UNC13C: variants seen among roughly 807,000 people sequenced by gnomAD.
UNC13C encodes protein unc-13 homolog C.
In UNC13C, 174 loss-of-function variants were observed where a neutral mutation model predicts 245.4. The ratio of observed to expected loss-of-function variants is 0.71; its 90% CI spans 0.63 to 0.80. The LOEUF (loss-of-function observed/expected upper bound fraction) is 0.80, where lower values mean the gene tolerates loss of function less well. Among genes scored for constraint, UNC13C ranks in the 30% least tolerant of loss-of-function variants. The probability of loss-of-function intolerance (pLI) is 0.00; values close to 1 mark genes in which losing one functional copy is unlikely to be tolerated. For missense variants in UNC13C, 2,829 were observed against 2,602.9 expected, an observed-to-expected ratio of 1.09 and a Z score of -1.89; for synonymous variants, 992 against 895.1, an observed-to-expected ratio of 1.11 and a Z score of -1.93.
At chr15:54,559,687 T>G (rs1417906408) in intron 29 of UNC13C, among the ~76,000 whole-genome samples, 1 of 151,880 alleles carries the variant, frequency 6.6e-6, no homozygotes, top group African/African-American at 2.4e-5. Flanking sequence ...GGGAAAAGCT[T>G]CCCAGAGAAG....
intron 1 of UNC13C, among the ~76,000 whole-genome samples, chr15:53,984,939 T>TG (rs1240150501): frequency 6.6e-6 from 1 of 152,136 alleles, no homozygotes; most frequent in Non-Finnish European, 1.5e-5. Context: ...CATAGTGTTA[T>TG]GGCAGCAAAT....
At chr15:53,940,219 G>A in the UNC13C span, among the ~76,000 whole-genome samples, 2 of 152,090 alleles carry the variant, frequency 1.3e-5, no homozygotes, top group Non-Finnish European at 2.9e-5. Context: ...TGCGGGGAGT[G>A]TTGGCAATAC....
rs183653247 is a variant in UNC13C at position 54,593,733 on chromosome 15, T to G, written c.6106+25786T>G. On this transcript the variant is annotated intron_variant, in intron 30 of 32. Coordinates refer to ENST00000260323, the MANE Select transcript of UNC13C (RefSeq NM_001080534.3). ...TTTCCTTTAATATTTTTCCCTTCAC[T>G]TCTTATATCATTTTTTGGATTTCCT... is the stretch of plus-strand genomic sequence containing the variant. Among the ~76,000 whole-genome samples the G allele has an allele frequency of 1.2e-3, 181 of 152,308 alleles. 1 individual carries two copies. The highest frequency in any genetic ancestry group is 1.9e-3 in the Non-Finnish European group (131 of 68,026).
intron 1 of UNC13C, among the ~76,000 whole-genome samples, chr15:54,005,408 C>T (rs943562813): frequency 2.6e-5 from 4 of 152,056 alleles, no homozygotes; most frequent in African/African-American, 9.7e-5. Context: ...GCATCACTTC[C>T]AAGCTATGTG....
rs563028593 is a variant in UNC13C at position 54,343,780 on chromosome 15, G to T, written c.4713+5291G>T. Among the ~76,000 whole-genome samples, 4 of 152,286 alleles carry T rather than the reference G, an allele frequency of 2.6e-5. No individual in the cohort carries two copies. In the South Asian group the frequency reaches 6.2e-4, roughly 24 times the overall value. Reference sequence around the variant, plus strand: ...CAATAGGATTTTATAGTAGAAAAGAGAAATTGGGCTCAACTATGAATACCA... The same window carrying T: ...CAATAGGATTTTATAGTAGAAAAGATAAATTGGGCTCAACTATGAATACCA... On this transcript the variant is annotated intron_variant, in intron 17 of 32. Transcript: ENST00000260323.
At chr15:53,937,721 G>A in the UNC13C span, among the ~76,000 whole-genome samples, 4 of 152,278 alleles carry the variant, frequency 2.6e-5, no homozygotes, top group South Asian at 8.3e-4. Context: ...GAGAGTGGGG[G>A]CCAATATTCA....
chr15:54,485,808 G>C (rs536936942), intron 19 of UNC13C, among the ~76,000 whole-genome samples: 20 of 152,130 alleles, frequency 1.3e-4, no homozygotes, highest in Middle Eastern at 3.4e-3. Flanking sequence ...CCATTTCACT[G>C]TCTGTATTCT....
chr15:54,000,235 T>C (rs1894823303), intron 1 of UNC13C, among the ~76,000 whole-genome samples: 1 of 152,080 alleles, frequency 6.6e-6, no homozygotes, highest in Non-Finnish European at 1.5e-5. Context: ...CATCGGGTTA[T>C]AATAAAAAGA....
chr15:54,049,275 C>T, intron 2 of UNC13C: 1 of 525,158 alleles, frequency 1.9e-6, no homozygotes, highest in Non-Finnish European at 3.8e-6. Context: ...TATGTGTTCT[C>T]ACTGCAGGAA....
At chr15:54,007,936 C>T (rs1421808102) in intron 1 of UNC13C, among the ~76,000 whole-genome samples, 1 of 152,152 alleles carries the variant, frequency 6.6e-6, no homozygotes, top group East Asian at 1.9e-4. Flanking sequence ...CTTTGTCTGT[C>T]TTGAAAGTTA....
At chr15:53,890,537 T>A in the UNC13C span, among the ~76,000 whole-genome samples, 1 of 152,234 alleles carries the variant, frequency 6.6e-6, no homozygotes, top group Admixed American at 6.5e-5. Context: ...TGCCTCGATT[T>A]CAGAACTTGT....
the UNC13C span, chr15:53,947,476 T>G: frequency 2.6e-5 from 4 of 152,222 alleles, no homozygotes; most frequent in African/African-American, 9.6e-5. Flanking sequence ...AGGTACAATT[T>G]GAAGTTCAAT....
chr15:54,341,245 T>C (rs956611153), intron 17 of UNC13C, among the ~76,000 whole-genome samples: 1 of 152,196 alleles, frequency 6.6e-6, no homozygotes, highest in African/African-American at 2.4e-5. Context: ...GAAAATGTGG[T>C]ATATGCACAC....
In UNC13C at chr15:54,237,684, G is replaced by A. The variant is rs763062059; in HGVS notation, c.3222G>A (p.Glu1074=). The stretch of plus-strand genomic sequence containing the variant: ...TGATTAGGACATCCCTAAATAATGA[G>A]GAACTGGTAAGTACTAGATATTGCT... ...AMVIRTSLNN[E]ELKMHVFKKT... The change falls in exon 7 of 33, where the codon GAG becomes GAA. Residue 1074 remains glutamate (E), a synonymous_variant. Coordinates refer to ENST00000260323, the MANE Select transcript of UNC13C (RefSeq NM_001080534.3). 8 of 1,609,566 alleles carry A rather than the reference G, an allele frequency of 5.0e-6. No homozygotes were observed. Among genetic ancestry groups the A allele is most frequent in the Admixed American group, 3.4e-5 (2 of 59,576 alleles).
rs369672926 is a variant in UNC13C, at chr15:54,544,255, T to TA, written c.5697-2460dup. Among the ~76,000 whole-genome samples the TA allele has an allele frequency of 1.9e-3, 294 of 152,140 alleles. 1 individual carries two copies. The highest frequency in any genetic ancestry group is 6.5e-3 in the African/African-American group (269 of 41,524). ...GATAAAATTCAACAGCCCTTGATGC[T>TA]AAAAAAACTCTCAATAAAATAGGTA... is the stretch of plus-strand genomic sequence containing the variant. On this transcript the variant is annotated intron_variant, in intron 26 of 32. Transcript: ENST00000260323.
At chr15:54,151,709 A>T (rs2032524462) in intron 4 of UNC13C, among the ~76,000 whole-genome samples, 1 of 152,126 alleles carries the variant, frequency 6.6e-6, no homozygotes, top group Non-Finnish European at 1.5e-5. Flanking sequence ...CAGCATTTAC[A>T]TTCCAGATCA....
chr15:54,109,104 C>T (rs537360403), intron 2 of UNC13C, among the ~76,000 whole-genome samples: 9 of 152,226 alleles, frequency 5.9e-5, no homozygotes, highest in East Asian at 1.9e-4. Flanking sequence ...TAATGACAGA[C>T]GTTTCCTATT....
chr15:54,458,110 A>G (rs1421500693), intron 19 of UNC13C, among the ~76,000 whole-genome samples: 1 of 151,976 alleles, frequency 6.6e-6, no homozygotes, highest in Non-Finnish European at 1.5e-5. Flanking sequence ...AGTTCAAGGA[A>G]TTTTTAATTT....
chr15:54,212,491 C>T (rs2034912935), intron 4 of UNC13C, among the ~76,000 whole-genome samples: 1 of 151,930 alleles, frequency 6.6e-6, no homozygotes, highest in South Asian at 2.1e-4. Context: ...TACACAATAC[C>T]GTGCTCCTTG....
Sources: allele counts gnomAD v4.1 joint callset (sites outside exome capture counted in the v4.1 genomes callset), GRCh38; gene constraint gnomAD v4.1.1; transcripts MANE v1.5; gene names NCBI Gene and HGNC (gene_info 2026-07-23, HGNC 2026-07-21).